The following PATJ variants were observed in gnomAD, a reference collection of about 807,000 sequenced individuals.
PATJ encodes PATJ crumbs cell polarity complex component, also known as inaD-like protein.
In PATJ, 190 loss-of-function variants were observed where a neutral mutation model predicts 224.9. The ratio of observed to expected loss-of-function variants is 0.84; its 90% CI spans 0.75 to 0.95. PATJ has a LOEUF of 0.95. Among genes scored for constraint, PATJ ranks in the 40% least tolerant of loss-of-function variants. The pLI is 0.00. For synonymous variants in PATJ, 769 were observed against 820.3 expected (o/e 0.94, Z 1.07); for missense variants, 2,121 against 2,270.3 (o/e 0.93, Z 1.34).
At chr1:62,116,724 C>G in intron 36 of PATJ, 45 bp downstream of exon 36, 1 of 1,564,342 alleles carries the variant, frequency 6.4e-7, no homozygotes, top group Non-Finnish European at 8.7e-7. Context: ...CAACTGAAGT[C>G]CAGTGGGAAC....
chr1:61,890,238 T>C (rs1669416934), intron 22 of PATJ, among the ~76,000 whole-genome samples: 1 of 152,134 alleles, frequency 6.6e-6, no homozygotes, highest in Admixed American at 6.5e-5. Context: ...CAGCACTTTA[T>C]GTGGCCAAGG....
rs576957011 is a variant in PATJ at position 61,912,790 on chromosome 1, A to G, written c.3493-1797A>G. Among the ~76,000 whole-genome samples, 4 of 152,146 alleles carry G rather than the reference A, an allele frequency of 2.6e-5. No individual in the cohort carries two copies. The East Asian group carries it at 5.8e-4, about 22-fold the overall frequency. On this transcript the variant is annotated intron_variant, in intron 25 of 43. Transcript: ENST00000642238. Reference sequence around the variant, plus strand: ...CATTCTGTCTCATCCCAAAGCTTCTATTTAGCATCAGCTAGTTTTTCTATG... The same window carrying G: ...CATTCTGTCTCATCCCAAAGCTTCTGTTTAGCATCAGCTAGTTTTTCTATG...
intron 11 of PATJ, among the ~76,000 whole-genome samples, chr1:61,800,617 C>T (rs935561039): frequency 6.6e-6 from 1 of 152,116 alleles, no homozygotes; most frequent in African/African-American, 2.4e-5. Context: ...TTCTAGGGTA[C>T]ATGTGCACAA....
chr1:61,828,688 A>T (rs1658772385), intron 16 of PATJ, among the ~76,000 whole-genome samples: 1 of 152,180 alleles, frequency 6.6e-6, no homozygotes, highest in South Asian at 2.1e-4. Context: ...GACTGTACCC[A>T]GCTGGAAGAG....
chr1:62,034,775 T>A (rs1448980521), intron 29 of PATJ, among the ~76,000 whole-genome samples: 5 of 152,160 alleles, frequency 3.3e-5, no homozygotes, highest in African/African-American at 7.2e-5. Context: ...GTTAAAAAAA[T>A]TTAATATGGA....
At chr1:62,054,204 A>AG (rs1202839144) in intron 31 of PATJ, 138 of 188,272 alleles carry the variant, frequency 7.3e-4, no homozygotes, top group South Asian at 3.3e-3. Context: ...AAAAAAAAAA[A>AG]AAGAAGAAAT....
At chr1:61,833,455 C>A in intron 16 of PATJ, 199 bp from the exon 17 acceptor site, 1 of 408,136 alleles carries the variant, frequency 2.5e-6, no homozygotes, top group East Asian at 4.1e-5. Context: ...AATTTTTAAG[C>A]ACTTGAATTT....
chr1:62,034,321 T>C (rs1157528913), intron 29 of PATJ, among the ~76,000 whole-genome samples: 2 of 151,778 alleles, frequency 1.3e-5, no homozygotes, highest in Non-Finnish European at 1.5e-5. Flanking sequence ...CACACGCCTG[T>C]AGTCCCAGCT....
chr1:61,868,198 A>C (rs1665713511), intron 20 of PATJ, among the ~76,000 whole-genome samples: 1 of 152,202 alleles, frequency 6.6e-6, no homozygotes, highest in Non-Finnish European at 1.5e-5. Context: ...TATATAGTTC[A>C]GTGGCATTAA....
At chr1:62,157,365 T>C (rs1669338785) in intron 43 of PATJ, among the ~76,000 whole-genome samples, 2 of 149,036 alleles carry the variant, frequency 1.3e-5, no homozygotes, top group Admixed American at 1.4e-4. Flanking sequence ...ATTATTTAAT[T>C]CAACCCCTCC....
In PATJ at chr1:61,822,985, A is replaced by G. The variant is rs1298851542; in HGVS notation, c.1724A>G (p.Asp575Gly). 2.5e-6 allele frequency: 4 copies of G among 1,614,030 alleles called. No individual in the cohort carries two copies. The South Asian group carries it at 4.4e-5, about 18-fold the overall frequency. ...ACTCTGAGGCTTGGTGTGGAAGTGGATTCCTTTGATGGGCACCATTATATT... is the reference window on the plus strand; with the variant it reads ...ACTCTGAGGCTTGGTGTGGAAGTGGGTTCCTTTGATGGGCACCATTATATT... ...IHTLRLGVEV[D>G]SFDGHHYISS... Residue 575 changes from aspartate (D) to glycine (G), a missense_variant, in exon 15 of 44, where the codon GAT becomes GGT. Transcript: ENST00000642238.
At chr1:61,946,486 G>C (rs566631813) in intron 27 of PATJ, among the ~76,000 whole-genome samples, 1 of 151,172 alleles carries the variant, frequency 6.6e-6, no homozygotes, top group African/African-American at 2.4e-5. Flanking sequence ...ATAAATTCCT[G>C]GACACATACA....
chr1:62,135,513 C>T (rs1425607365), intron 41 of PATJ, among the ~76,000 whole-genome samples: 1 of 39,342 alleles, frequency 2.5e-5, no homozygotes, highest in African/African-American at 1.2e-4. Context: ...GAGACTCCGT[C>T]TCAAAAAAAA....
chr1:61,808,704 T>C (rs1654083245), intron 14 of PATJ, among the ~76,000 whole-genome samples, 174 bp downstream of exon 14: 1 of 152,204 alleles, frequency 6.6e-6, no homozygotes, highest in Admixed American at 6.5e-5. Flanking sequence ...TTTTTATCGT[T>C]TGAAGAACTT....
At chr1:62,142,707 G>T (rs1241993048) in intron 41 of PATJ, among the ~76,000 whole-genome samples, 1 of 152,104 alleles carries the variant, frequency 6.6e-6, no homozygotes, top group Non-Finnish European at 1.5e-5. Flanking sequence ...AAACACGGAT[G>T]GTCAAAGCAG....
rs1315209448 is a variant in PATJ, at chr1:62,086,696, G to A, written c.4377+2048G>A. 2.0e-5 allele frequency among the ~76,000 whole-genome samples: 3 copies of A among 152,262 alleles called. No homozygotes were observed. Among genetic ancestry groups the A allele is most frequent in the East Asian group, 1.9e-4 (1 of 5,178 alleles). ...TAAAGCACTAGGAAACTCAAGAACAGCATAGGCGATAGAAACCAGGGTCTT... is the reference window on the plus strand; with the variant it reads ...TAAAGCACTAGGAAACTCAAGAACAACATAGGCGATAGAAACCAGGGTCTT... On this transcript the variant is annotated intron_variant, in intron 33 of 43. Transcript: ENST00000642238. This position sits in a 1 kb window ranked among gnomAD's most constrained non-coding sequence, Gnocchi z 4.0.
chr1:61,815,733 T>C (rs1009413589), intron 14 of PATJ, among the ~76,000 whole-genome samples: 1 of 152,136 alleles, frequency 6.6e-6, no homozygotes, highest in Non-Finnish European at 1.5e-5. Flanking sequence ...CTAATGTTAA[T>C]AGATAAGATT....
intron 30 of PATJ, among the ~76,000 whole-genome samples, chr1:62,040,455 AAG>A (rs1021288213): frequency 6.6e-6 from 1 of 152,102 alleles, no homozygotes; most frequent in African/African-American, 2.4e-5. Flanking sequence ...AAGAGGAGAG[AAG>A]AGAGAAAAAA....
Position 61,839,150 on chromosome 1 carries a change from T to C in PATJ, c.2112+5365T>C, listed in dbSNP as rs980506426. On this transcript the variant is annotated intron_variant, in intron 17 of 43. Transcript: ENST00000642238. ...GCCGCCGACTCCTCCACCAGGTCTATGCCTTTAACCATCATACTATACTGC... is the reference window on the plus strand; with the variant it reads ...GCCGCCGACTCCTCCACCAGGTCTACGCCTTTAACCATCATACTATACTGC... Among the ~76,000 whole-genome samples the C allele has an allele frequency of 2.4e-4, 36 of 152,152 alleles. 1 individual carries two copies. The highest frequency in any genetic ancestry group is 4.4e-5 in the Non-Finnish European group (3 of 68,020).
Sources: gnomAD v4.1 joint callset for allele counts (sites outside exome capture counted in the v4.1 genomes callset) on GRCh38, gnomAD v4.1.1 for gene constraint, Gnocchi (gnomAD v3.1) non-coding constraint, MANE v1.5 for transcripts, NCBI Gene and HGNC (gene_info 2026-07-23, HGNC 2026-07-21) for gene names.